EXOC6B: variants seen among roughly 807,000 people sequenced by gnomAD.
EXOC6B encodes exocyst complex component 6B.
A neutral mutation model predicts 113.5 loss-of-function variants in EXOC6B; 54 were observed. The observed-to-expected ratio is 0.48, with a 90% confidence interval of 0.38 to 0.60. The LOEUF is 0.60. EXOC6B is among the 20% of genes least tolerant of loss of function. The pLI, the probability that EXOC6B is intolerant of heterozygous loss-of-function variation, is 0.00. For missense variants in EXOC6B, 797 were observed against 977.5 expected (o/e 0.82, Z 2.46); for synonymous variants, 357 against 339.0 (o/e 1.05, Z -0.58).
At chr2:72,665,115 T>C (rs1666309127) in intron 6 of EXOC6B, among the ~76,000 whole-genome samples, 2 of 152,056 alleles carry the variant, frequency 1.3e-5, no homozygotes, top group African/African-American at 2.4e-5. Context: ...GTGCACCCTG[T>C]TTGCCAGCCG....
At chr2:72,401,523 AC>A (rs1693185368) in intron 18 of EXOC6B, among the ~76,000 whole-genome samples, 1 of 12,038 alleles carries the variant, frequency 8.3e-5, no homozygotes, top group African/African-American at 5.9e-4. Flanking sequence ...ATACATATAT[AC>A]ATATATATAT....
chr2:72,331,098 G>A (rs1688396445), intron 20 of EXOC6B, among the ~76,000 whole-genome samples: 2 of 152,018 alleles, frequency 1.3e-5, no homozygotes, highest in African/African-American at 4.8e-5. Flanking sequence ...AATTTATTTT[G>A]TAGCAAAAGT....
intron 19 of EXOC6B, among the ~76,000 whole-genome samples, chr2:72,374,605 A>G (rs934844516): frequency 3.9e-5 from 6 of 151,964 alleles, no homozygotes; most frequent in African/African-American, 1.5e-4. Flanking sequence ...TAGTTAGAAA[A>G]ATGAATAAGA....
intron 20 of EXOC6B, among the ~76,000 whole-genome samples, chr2:72,247,727 A>AT (rs1282221372): frequency 6.6e-6 from 1 of 152,158 alleles, no homozygotes; most frequent in African/African-American, 2.4e-5. Flanking sequence ...AAATTTGCAA[A>AT]TTTTTTAGAA....
intron 16 of EXOC6B, among the ~76,000 whole-genome samples, chr2:72,490,309 G>A (rs1024076897): frequency 6.6e-6 from 1 of 152,110 alleles, no homozygotes; most frequent in African/African-American, 2.4e-5. Flanking sequence ...TAATTAGGCT[G>A]TCTATAAAAT....
At chr2:72,674,351 A>T (rs1404901055) in intron 6 of EXOC6B, among the ~76,000 whole-genome samples, 1 of 151,928 alleles carries the variant, frequency 6.6e-6, no homozygotes, top group African/African-American at 2.4e-5. Flanking sequence ...AGATGATCAC[A>T]CTCCCCATCT....
intron 6 of EXOC6B, among the ~76,000 whole-genome samples, chr2:72,669,360 C>A (rs12104558): frequency 0.017 from 2,501 of 149,458 alleles, 63 homozygotes; most frequent in African/African-American, 0.057. Context: ...AAAAAAAAAA[C>A]AGAAGGGAAA....
At chr2:72,481,812 GAC>G (rs1699116252) in intron 16 of EXOC6B, among the ~76,000 whole-genome samples, 1 of 151,798 alleles carries the variant, frequency 6.6e-6, no homozygotes, top group Non-Finnish European at 1.5e-5. Context: ...TCATTAAAAA[GAC>G]AGTACTGGTT....
At chr2:72,738,011 A>G (rs1681073712) in intron 2 of EXOC6B, among the ~76,000 whole-genome samples, 1 of 152,138 alleles carries the variant, frequency 6.6e-6, no homozygotes, top group Admixed American at 6.5e-5. Context: ...TATAATACAT[A>G]AAGAAAATGT....
intron 5 of EXOC6B, among the ~76,000 whole-genome samples, chr2:72,722,630 A>G (rs1001218152): frequency 6.6e-6 from 1 of 152,220 alleles, no homozygotes; most frequent in African/African-American, 2.4e-5. Flanking sequence ...ACAGGCTCAA[A>G]AACAATACAA....
At chr2:72,632,401 C>T (rs1257868981) in intron 6 of EXOC6B, among the ~76,000 whole-genome samples, 2 of 152,082 alleles carry the variant, frequency 1.3e-5, no homozygotes, top group Non-Finnish European at 2.9e-5. Context: ...TAGGAAGAAC[C>T]TTAGATGTGT....
chr2:72,270,719 T>A, intron 20 of EXOC6B, among the ~76,000 whole-genome samples: 1 of 151,960 alleles, frequency 6.6e-6, no homozygotes, highest in Admixed American at 6.6e-5. Flanking sequence ...CCTTTAATAT[T>A]TAATAATTTA....
intron 11 of EXOC6B, among the ~76,000 whole-genome samples, chr2:72,502,558 A>G (rs1284584233): frequency 6.6e-6 from 1 of 152,210 alleles, no homozygotes; most frequent in African/African-American, 2.4e-5. Context: ...AAAAATATAA[A>G]TAAAAATAAA....
chr2:72,700,778 C>A (rs1200453254), intron 6 of EXOC6B, among the ~76,000 whole-genome samples: 1 of 152,116 alleles, frequency 6.6e-6, no homozygotes, highest in East Asian at 1.9e-4. Context: ...TGGCAAAACC[C>A]CATCTCTACT....
intron 20 of EXOC6B, among the ~76,000 whole-genome samples, chr2:72,184,445 G>A (rs1678291073): frequency 6.6e-6 from 1 of 152,122 alleles, no homozygotes; most frequent in African/African-American, 2.4e-5. Context: ...AGCTCTCAGA[G>A]GCAACCCTGT....
intron 18 of EXOC6B, among the ~76,000 whole-genome samples, chr2:72,423,502 CAAATT>C (rs983276953): frequency 1.3e-5 from 2 of 152,060 alleles, no homozygotes; most frequent in African/African-American, 4.8e-5. Flanking sequence ...TTTTATGTTG[CAAATT>C]GTTCTCTAGT....
intron 19 of EXOC6B, among the ~76,000 whole-genome samples, chr2:72,348,778 T>G (rs553183983): frequency 2.6e-5 from 4 of 152,182 alleles, no homozygotes; most frequent in African/African-American, 9.6e-5. Context: ...AGAAAAATAT[T>G]AGGACTAATG....
chr2:72,274,321 C>T (rs1684682346), intron 20 of EXOC6B, among the ~76,000 whole-genome samples: 1 of 152,168 alleles, frequency 6.6e-6, no homozygotes, highest in Non-Finnish European at 1.5e-5. Context: ...ACTAAGCTGA[C>T]ATGATCATGC....
At chr2:72,528,697 T>A (rs1482141152) in intron 8 of EXOC6B, among the ~76,000 whole-genome samples, 1 of 152,140 alleles carries the variant, frequency 6.6e-6, no homozygotes, top group Non-Finnish European at 1.5e-5. Context: ...TCTATTTACA[T>A]ATATGATTTT....
Sources: gnomAD v4.1 joint callset for allele counts (sites outside exome capture counted in the v4.1 genomes callset) on GRCh38, gnomAD v4.1.1 for gene constraint, MANE v1.5 for transcripts, NCBI Gene and HGNC (gene_info 2026-07-23, HGNC 2026-07-21) for gene names.